INSR: variants seen among roughly 807,000 people sequenced by gnomAD.
INSR encodes insulin receptor.
Under a neutral mutation model 142.6 loss-of-function variants are expected in INSR, and 67 were observed. The ratio of observed to expected loss-of-function variants is 0.47; its 90% confidence interval spans 0.39 to 0.58. The LOEUF is 0.58. INSR is among the 20% of genes least tolerant of loss of function. The pLI, the probability that INSR is intolerant of heterozygous loss-of-function variation, is 0.00. For synonymous variants in INSR, 756 were observed against 743.1 expected (o/e 1.02, Z -0.28); for missense variants, 1,248 against 1,833.2 (o/e 0.68, Z 5.83).
intron 17 of INSR, among the ~76,000 whole-genome samples, chr19:7,123,744 G>A (rs1431257104): frequency 2.0e-5 from 3 of 150,726 alleles, no homozygotes; most frequent in South Asian, 2.1e-4. Context: ...CCAACATGGC[G>A]AAACCCCATC....
chr19:7,271,011 G>A (rs1293769239), intron 1 of INSR, among the ~76,000 whole-genome samples: 2 of 151,034 alleles, frequency 1.3e-5, no homozygotes, highest in East Asian at 3.9e-4. Context: ...GCAGTGAGCC[G>A]AGATCACACC....
intron 2 of INSR, among the ~76,000 whole-genome samples, chr19:7,207,948 G>GGAAGGAAA (rs1375255118): frequency 8.1e-6 from 1 of 124,102 alleles, no homozygotes. Context: ...AAGGGAAGGA[G>GGAAGGAAA]GGAGGGAGGG....
chr19:7,129,848 CT>C (rs1309648402), intron 14 of INSR, among the ~76,000 whole-genome samples: 1 of 152,176 alleles, frequency 6.6e-6, no homozygotes, highest in African/African-American at 2.4e-5. Context: ...AGTGATCCCC[CT>C]GTCTCAGCCT....
At chr19:7,237,273 C>T (rs1043089092) in intron 2 of INSR, among the ~76,000 whole-genome samples, 4 of 152,070 alleles carry the variant, frequency 2.6e-5, no homozygotes, top group Non-Finnish European at 5.9e-5. Context: ...AATCCCAGCA[C>T]ATTAGGAGGC....
intron 1 of INSR, among the ~76,000 whole-genome samples, chr19:7,293,457 C>A (rs1057120241): frequency 6.6e-6 from 1 of 152,192 alleles, no homozygotes; most frequent in Admixed American, 6.5e-5. Context: ...AAAGATGACG[C>A]GTGTCGTGTC....
chr19:7,214,510 T>A (rs2145082469), intron 2 of INSR, among the ~76,000 whole-genome samples: 1 of 152,282 alleles, frequency 6.6e-6, no homozygotes, highest in South Asian at 2.1e-4. Flanking sequence ...CTCTACCCTG[T>A]TTACCCAGGA....
At chr19:7,258,940 TCC>T in intron 2 of INSR, among the ~76,000 whole-genome samples, 1 of 135,472 alleles carries the variant, frequency 7.4e-6, no homozygotes, top group Non-Finnish European at 1.6e-5. Flanking sequence ...CTCCTTCCTT[TCC>T]TTCTTCCTTC....
intron 2 of INSR, among the ~76,000 whole-genome samples, chr19:7,257,797 T>C (rs986411071): frequency 6.6e-6 from 1 of 152,180 alleles, no homozygotes; most frequent in African/African-American, 2.4e-5. Flanking sequence ...CAAGTCCCAC[T>C]GAAACAGCCT....
rs761206818 is a variant in INSR, at chr19:7,120,697, G to A, written c.3582C>T (p.Gly1194=). The stretch of plus-strand genomic sequence containing the variant: ...TCCACCGTACAGGGAGCAGACCCTT[G>A]CCCCCTTTCCGGTAGTAATCCGTTT... ...IYETDYYRKG[G]KGLLPVRWMA... The change falls in exon 20 of 22, where the codon GGC becomes GGT. Residue 1194 remains glycine, a synonymous_variant. Transcript: ENST00000302850. The A allele has an allele frequency of 2.5e-6, 4 of 1,614,128 alleles. No homozygotes were observed. The South Asian group carries it at 3.3e-5, about 13-fold the overall frequency.
At chr19:7,152,561 G>C in intron 10 of INSR, 165 bp downstream of exon 10, 1 of 716,742 alleles carries the variant, frequency 1.4e-6, no homozygotes, top group Admixed American at 2.1e-5. Context: ...TCGAAATTTC[G>C]AAACTGCAAG....
chr19:7,262,762 G>T (rs546658091), intron 2 of INSR, among the ~76,000 whole-genome samples: 1 of 152,314 alleles, frequency 6.6e-6, no homozygotes, highest in Admixed American at 6.5e-5. Context: ...GATAAATCCC[G>T]TCTGATTCCA....
chr19:7,175,495 C>T (rs958507343), intron 3 of INSR, among the ~76,000 whole-genome samples: 2 of 152,156 alleles, frequency 1.3e-5, no homozygotes, highest in African/African-American at 4.8e-5. Flanking sequence ...CTAGGCTCCA[C>T]TCACGAGCTG....
intron 2 of INSR, among the ~76,000 whole-genome samples, chr19:7,211,483 T>G (rs1020555780): frequency 1.2e-4 from 18 of 152,208 alleles, no homozygotes; most frequent in Non-Finnish European, 1.2e-4. Context: ...GGAGCCGGTA[T>G]TTGAAAAGGA....
chr19:7,119,707 CAA>C lies in INSR; in HGVS notation c.3660-126_3660-125del. 2 of 1,062,484 alleles carry C rather than the reference CAA, an allele frequency of 1.9e-6. No individual in the cohort carries two copies. Among genetic ancestry groups the C allele is most frequent in the East Asian group, 2.5e-5 (1 of 40,504 alleles). 65.8% of individuals were successfully genotyped at this position (1,062,484 alleles called of 1,614,324 possible). ...AAACACACATGCCAACACATACATG[CAA>C]ACACACACATGCAAACACACACGCA... On this transcript the variant is annotated intron_variant, in intron 20 of 21. Coordinates refer to ENST00000302850, the MANE Select transcript of INSR (RefSeq NM_000208.4). This position sits in a 1 kb window ranked among gnomAD's most constrained non-coding sequence, Gnocchi z 5.2.
intron 2 of INSR, among the ~76,000 whole-genome samples, chr19:7,226,728 C>CAAAAAAAAAAA (rs71177177): frequency 8.9e-6 from 1 of 112,888 alleles, no homozygotes; most frequent in African/African-American, 3.6e-5. Context: ...ACCCTGTTTC[C>CAAAAAAAAAAA]AAAAAAAAAA....
chr19:7,125,214 C>T lies in INSR; in HGVS notation c.3258+69G>A. 1 of 1,592,658 alleles carries T rather than the reference C, an allele frequency of 6.3e-7. No individual in the cohort carries two copies. Among genetic ancestry groups the T allele is most frequent in the Non-Finnish European group, 8.6e-7 (1 of 1,164,176 alleles). On this transcript the variant is annotated intron_variant, in intron 17 of 21. Transcript: ENST00000302850. The surrounding 1 kb of genome is among the most constrained non-coding windows in gnomAD (Gnocchi z 4.9). ...ACCCTGTGTCCTCTGTCGCTCTGTG[C>T]AGGAGGAGGAGGCAGAGAAAGGGAA...
At chr19:7,285,813 G>A (rs1968331210) in intron 1 of INSR, among the ~76,000 whole-genome samples, 1 of 152,058 alleles carries the variant, frequency 6.6e-6, no homozygotes. Flanking sequence ...TGTGGTTAGG[G>A]GTGGAGGTGG....
At chr19:7,242,745 A>AC (rs998855993) in intron 2 of INSR, among the ~76,000 whole-genome samples, 9 of 151,622 alleles carry the variant, frequency 5.9e-5, no homozygotes, top group East Asian at 1.9e-4. Context: ...AAAAAAAAAA[A>AC]AAAAAAAAAC....
At position 7,116,776 on chromosome 19, in the gene INSR, C is replaced by T. The variant is rs886054685; in HGVS notation, c.*280G>A. ...ATCTGCTGGGGGCGGGTGGGGGGAA[C>T]GAAAAAACACAAAATCCTGGTTTGA... On this transcript the variant is annotated 3_prime_UTR_variant, in exon 22 of 22. Transcript: ENST00000302850. The T allele has an allele frequency of 2.0e-5, 5 of 244,090 alleles. No individual in the cohort carries two copies. Among genetic ancestry groups the T allele is most frequent in the East Asian group, 1.7e-4 (2 of 11,794 alleles). 15.1% of individuals were successfully genotyped at this position (244,090 alleles called of 1,614,324 possible).
Sources: gnomAD v4.1 joint callset for allele counts (sites outside exome capture counted in the v4.1 genomes callset) on GRCh38, gnomAD v4.1.1 for gene constraint, Gnocchi (gnomAD v3.1) non-coding constraint, MANE v1.5 for transcripts, NCBI Gene and HGNC (gene_info 2026-07-23, HGNC 2026-07-21) for gene names.